The following DUSP22 variants were observed in gnomAD, a reference collection of about 807,000 sequenced individuals.
DUSP22 encodes dual specificity protein phosphatase 22.
Under a neutral mutation model 24.5 loss-of-function variants are expected in DUSP22, and 24 were observed. The observed-to-expected ratio is 0.98, with a 90% confidence interval of 0.71 to 1.38. DUSP22 has a LOEUF of 1.38. DUSP22 is among the 40% of genes most tolerant of loss of function. The pLI is 0.00. For missense variants in DUSP22, 330 were observed against 269.2 expected (o/e 1.23, Z -1.58); for synonymous variants, 160 against 106.4 (o/e 1.50, Z -3.10).
intron 3 of DUSP22, among the ~76,000 whole-genome samples, chr6:322,911 C>A (rs1159704104): frequency 6.6e-6 from 1 of 152,234 alleles, no homozygotes. Flanking sequence ...AGACCCAAAG[C>A]CGGGTTAAAG....
chr6:314,899 G>C (rs1169552322), intron 3 of DUSP22, among the ~76,000 whole-genome samples: 5 of 152,302 alleles, frequency 3.3e-5, no homozygotes, highest in Non-Finnish European at 7.3e-5. Context: ...GTAATTTGTT[G>C]GGGGTTGGGG....
intron 3 of DUSP22, among the ~76,000 whole-genome samples, chr6:328,245 A>G (rs527549327): frequency 6.6e-6 from 1 of 152,426 alleles, no homozygotes; most frequent in African/African-American, 2.4e-5. Flanking sequence ...ACAATTGTGT[A>G]CATCAGCAAG....
intron 3 of DUSP22, among the ~76,000 whole-genome samples, chr6:318,167 C>T (rs1451035643): frequency 6.6e-6 from 1 of 152,310 alleles, no homozygotes; most frequent in Non-Finnish European, 1.5e-5. Context: ...CTGTGCAGCT[C>T]CTGTGACTTT....
chr6:347,430 G>A (rs1380209889), intron 5 of DUSP22, among the ~76,000 whole-genome samples: 1 of 152,304 alleles, frequency 6.6e-6, no homozygotes, highest in African/African-American at 2.4e-5. Flanking sequence ...GTCTGATGAA[G>A]CACAGCCATT....
At chr6:308,338 A>G (rs1014339968) in intron 2 of DUSP22, among the ~76,000 whole-genome samples, 1 of 152,298 alleles carries the variant, frequency 6.6e-6, no homozygotes, top group African/African-American at 2.4e-5. Context: ...CTCGCTGCTC[A>G]TGATTGTAGG....
chr6:297,463 T>C (rs1164277447), intron 1 of DUSP22, among the ~76,000 whole-genome samples: 5 of 152,306 alleles, frequency 3.3e-5, no homozygotes, highest in Non-Finnish European at 7.3e-5. Flanking sequence ...GAGAATATGT[T>C]CCCTCTAGGC....
intron 3 of DUSP22, among the ~76,000 whole-genome samples, chr6:315,992 CCTT>C (rs1400320827): frequency 2.0e-5 from 3 of 152,308 alleles, no homozygotes; most frequent in African/African-American, 7.2e-5. Flanking sequence ...AGAATGAGAT[CCTT>C]CTTCTGCCGT....
At chr6:323,626 G>T (rs948316979) in intron 3 of DUSP22, among the ~76,000 whole-genome samples, 1 of 152,302 alleles carries the variant, frequency 6.6e-6, no homozygotes. Flanking sequence ...GTGGCTCTTA[G>T]GGCGTCCCTT....
At chr6:342,850 A>C (rs561717736) in intron 4 of DUSP22, among the ~76,000 whole-genome samples, 2 of 152,428 alleles carry the variant, frequency 1.3e-5, no homozygotes, top group South Asian at 4.1e-4. Flanking sequence ...GGAAGACAGG[A>C]TGTCCTTCCC....
At chr6:302,463 C>G (rs1275912389) in intron 1 of DUSP22, among the ~76,000 whole-genome samples, 2 of 152,312 alleles carry the variant, frequency 1.3e-5, no homozygotes, top group Non-Finnish European at 2.9e-5. Context: ...CCTGTCTGCC[C>G]ACTGCTCTTG....
At chr6:318,954 C>T (rs1758456133) in intron 3 of DUSP22, among the ~76,000 whole-genome samples, 2 of 152,300 alleles carry the variant, frequency 1.3e-5, no homozygotes, top group South Asian at 4.1e-4. Flanking sequence ...TGATACCCAT[C>T]ATATAATCAC....
intron 4 of DUSP22, among the ~76,000 whole-genome samples, chr6:340,149 G>A (rs557220324): frequency 6.6e-6 from 1 of 152,416 alleles, no homozygotes; most frequent in South Asian, 2.1e-4. Context: ...CTTTTAAAAA[G>A]CCCTTATCTG....
chr6:338,394 T>C (rs1472556919), intron 4 of DUSP22, among the ~76,000 whole-genome samples: 1 of 152,304 alleles, frequency 6.6e-6, no homozygotes, highest in East Asian at 1.9e-4. Context: ...ATTTTCACCA[T>C]GTAATCAAAT....
rs762342833 is a variant in DUSP22 at position 348,910 on chromosome 6, C to G, written c.577C>G (p.Leu193Val). 6.2e-6 allele frequency: 10 copies of G among 1,612,888 alleles called. No homozygotes were observed. The highest frequency in any genetic ancestry group is 5.5e-5 in the South Asian group (5 of 91,006). Residue 193 changes from leucine to valine, a missense_variant, in exon 7 of 7, where the codon CTG becomes GTG. Leu to Val is a conservative substitution (Grantham distance 32). Transcript: ENST00000419235. ...CAGGCGGTGGAGCAGTTTTCCGGCA[C>G]TGGCTCCGCTGACCTACGATAATTA... is the stretch of plus-strand genomic sequence containing the variant. Reference protein sequence around the residue: ...GARRWSSFPALAPLTYDNYTT... With the variant: ...GARRWSSFPAVAPLTYDNYTT...
chr6:332,309 A>T (rs1459801993), intron 3 of DUSP22, among the ~76,000 whole-genome samples: 1 of 152,312 alleles, frequency 6.6e-6, no homozygotes, highest in Non-Finnish European at 1.5e-5. Context: ...GAGGATTCAC[A>T]GATGGGAGGC....
At chr6:320,804 C>T (rs1361660602) in intron 3 of DUSP22, among the ~76,000 whole-genome samples, 4 of 152,274 alleles carry the variant, frequency 2.6e-5, no homozygotes, top group African/African-American at 4.8e-5. Context: ...AGAGTGGAGG[C>T]GGTGGTCAGT....
At chr6:313,097 C>T (rs1295600712) in intron 3 of DUSP22, among the ~76,000 whole-genome samples, 1 of 151,960 alleles carries the variant, frequency 6.6e-6, no homozygotes, top group East Asian at 1.9e-4. Context: ...ATTTTTTAAT[C>T]TGTCAACAAT....
intron 2 of DUSP22, among the ~76,000 whole-genome samples, chr6:310,856 A>C (rs1264704490): frequency 6.6e-6 from 1 of 152,308 alleles, no homozygotes; most frequent in Non-Finnish European, 1.5e-5. Context: ...GATGTAATCC[A>C]TGTAATCCAT....
At chr6:304,487 A>G in intron 1 of DUSP22, 141 bp from the exon 2 acceptor site, 1 of 1,261,564 alleles carries the variant, frequency 7.9e-7, no homozygotes. Flanking sequence ...ATGTTGGGTC[A>G]CCCGCGTGTC....
Sources: gnomAD v4.1 joint callset for allele counts (sites outside exome capture counted in the v4.1 genomes callset) on GRCh38, gnomAD v4.1.1 for gene constraint, MANE v1.5 for transcripts, NCBI Gene and HGNC (gene_info 2026-07-23, HGNC 2026-07-21) for gene names.